The following MID1 variants were observed in gnomAD, a reference collection of about 807,000 sequenced individuals.
The protein encoded by MID1 is midline 1.
Under a neutral mutation model 40.4 loss-of-function variants are expected in MID1, and 7 were observed. The observed-to-expected ratio is 0.17, with a 90% CI of 0.10 to 0.33. The LOEUF (loss-of-function observed/expected upper bound fraction) is 0.33. Ranked by LOEUF, MID1 falls within the 10% of genes least tolerant of loss-of-function variation. MID1 has a pLI of 1.00. For synonymous variants in MID1, 229 were observed against 221.2 expected, an observed-to-expected ratio of 1.04 and a Z score of -0.31; for missense variants, 367 against 558.5, an observed-to-expected ratio of 0.66 and a Z score of 3.46.
intron 1 of MID1, among the ~76,000 whole-genome samples, chrX:10,785,598 G>A (rs2043876738): frequency 9.0e-6 from 1 of 111,283 alleles, no homozygotes; most frequent in African/African-American, 3.3e-5. Context: ...AAAACAGCAT[G>A]GTACTGGTAC....
At chrX:10,602,161 T>G (rs1424382464) in intron 1 of MID1, among the ~76,000 whole-genome samples, 1 of 108,165 alleles carries the variant, frequency 9.2e-6, no homozygotes, top group Non-Finnish European at 1.9e-5. Context: ...CCTCCCAAAG[T>G]GCGGAATTGG....
chrX:10,661,232 A>C (rs1211397367), intron 1 of MID1, among the ~76,000 whole-genome samples: 1 of 111,401 alleles, frequency 9.0e-6, no homozygotes, highest in Non-Finnish European at 1.9e-5. Context: ...GTTATGAAAG[A>C]TGTTTTCATT....
chrX:10,550,752 T>A (rs1296533874), intron 2 of MID1, among the ~76,000 whole-genome samples: 2 of 111,870 alleles, frequency 1.8e-5, no homozygotes, highest in Non-Finnish European at 3.8e-5. Context: ...TCTGGGGGGC[T>A]GTTCTGTGCA....
chrX:10,808,323 T>C, intron 1 of MID1, among the ~76,000 whole-genome samples: 1 of 111,762 alleles, frequency 8.9e-6, no homozygotes, highest in Non-Finnish European at 1.9e-5. Flanking sequence ...GTAATGGTCC[T>C]CTATGATGTC....
chrX:10,580,975 G>A (rs1030031569), intron 1 of MID1, among the ~76,000 whole-genome samples: 1 of 106,667 alleles, frequency 9.4e-6, no homozygotes, highest in African/African-American at 3.4e-5. Flanking sequence ...GAGGTCAGGC[G>A]CAGTGGCTCA....
chrX:10,613,142 C>T (rs763919293), intron 1 of MID1, among the ~76,000 whole-genome samples: 34 of 111,364 alleles, frequency 3.1e-4, no homozygotes, highest in Non-Finnish European at 5.5e-4. Flanking sequence ...CCCCTTCCTC[C>T]GAATTGTTTG....
At chrX:10,659,208 C>A (rs1602500755) in intron 1 of MID1, among the ~76,000 whole-genome samples, 1 of 111,980 alleles carries the variant, frequency 8.9e-6, no homozygotes, top group African/African-American at 3.2e-5. Flanking sequence ...TGCTTGGCGA[C>A]CCCTGGGGTC....
intron 1 of MID1, among the ~76,000 whole-genome samples, chrX:10,747,483 T>C (rs1463209229): frequency 1.8e-5 from 2 of 112,230 alleles, no homozygotes; most frequent in Non-Finnish European, 3.8e-5. Flanking sequence ...TAATCAATGA[T>C]TGGTGATTTT....
intron 4 of MID1, among the ~76,000 whole-genome samples, chrX:10,493,721 G>T (rs942924340): frequency 1.8e-4 from 20 of 112,153 alleles, no homozygotes; most frequent in African/African-American, 6.2e-4. Flanking sequence ...GCTTTGAGAT[G>T]ATGGATATGT....
chrX:10,516,822 C>T (rs1011003413), intron 3 of MID1, among the ~76,000 whole-genome samples: 1 of 109,800 alleles, frequency 9.1e-6, no homozygotes, highest in Middle Eastern at 4.2e-3. Flanking sequence ...CACTGTATTG[C>T]CCAGGCTGTT....
intron 1 of MID1, among the ~76,000 whole-genome samples, chrX:10,662,266 T>C (rs2042919460): frequency 9.0e-6 from 1 of 111,376 alleles, no homozygotes; most frequent in Non-Finnish European, 1.9e-5. Flanking sequence ...ATCACACCAT[T>C]GCACTCCAGC....
At chrX:10,828,104 C>G (rs754850566) in intron 1 of MID1, among the ~76,000 whole-genome samples, 1 of 111,508 alleles carries the variant, frequency 9.0e-6, no homozygotes, top group Non-Finnish European at 1.9e-5. Flanking sequence ...TCTTTCTTAG[C>G]GTTGAATCTT....
chrX:10,547,520 C>T (rs765797141), intron 2 of MID1, among the ~76,000 whole-genome samples: 7 of 90,055 alleles, frequency 7.8e-5, no homozygotes, highest in East Asian at 7.1e-4. Context: ...TGCGGTGAGC[C>T]GAGATCACAT....
At chrX:10,767,188 G>A (rs113502015) in intron 1 of MID1, among the ~76,000 whole-genome samples, 4,922 of 111,964 alleles carry the variant, frequency 0.044, 235 homozygotes, top group African/African-American at 0.15. Context: ...AGTAATCATA[G>A]GGACAAACTG....
chrX:10,690,953 C>T (rs2043128571), intron 1 of MID1, among the ~76,000 whole-genome samples: 1 of 111,597 alleles, frequency 9.0e-6, no homozygotes, highest in South Asian at 3.8e-4. Context: ...TAGTGGATGG[C>T]ATCTCTATTT....
intron 1 of MID1, among the ~76,000 whole-genome samples, chrX:10,581,902 C>G (rs1935027907): frequency 9.0e-6 from 1 of 111,654 alleles, no homozygotes; most frequent in African/African-American, 3.3e-5. Context: ...CACTCTTTGT[C>G]AGAATTTTTT....
intron 2 of MID1, among the ~76,000 whole-genome samples, chrX:10,528,263 A>T (rs745513568): frequency 9.0e-6 from 1 of 111,531 alleles, no homozygotes; most frequent in East Asian, 2.8e-4. Flanking sequence ...TAAAATTGTC[A>T]TTTCCACCTG....
chrX:10,711,127 T>C (rs2043264876), intron 1 of MID1, among the ~76,000 whole-genome samples: 1 of 111,790 alleles, frequency 8.9e-6, no homozygotes, highest in Non-Finnish European at 1.9e-5. Context: ...TGGAACCTTT[T>C]AGTACCCTTC....
intron 1 of MID1, among the ~76,000 whole-genome samples, chrX:10,644,089 G>C (rs1277431383): frequency 9.0e-6 from 1 of 110,944 alleles, no homozygotes; most frequent in Non-Finnish European, 1.9e-5. Flanking sequence ...CACCAACCTG[G>C]CACGTGTATA....
Sources: allele counts gnomAD v4.1 joint callset (sites outside exome capture counted in the v4.1 genomes callset), GRCh38; gene constraint gnomAD v4.1.1; transcripts MANE v1.5; gene names NCBI Gene and HGNC (gene_info 2026-07-23, HGNC 2026-07-21).